Variants in FBXO7 observed in about 807,000 individuals in gnomAD.
The protein encoded by FBXO7 is F-box only protein 7.
FBXO7 carries 31 observed loss-of-function variants against 50.2 expected under a neutral mutation model. The ratio of observed to expected loss-of-function variants is 0.62; its 90% CI spans 0.46 to 0.83. The LOEUF (loss-of-function observed/expected upper bound fraction) is 0.83. Ranked by LOEUF, FBXO7 falls within the 40% of genes least tolerant of loss-of-function variation. The pLI is 0.00. For synonymous variants in FBXO7, 256 were observed against 253.1 expected (o/e 1.01, Z -0.11); for missense variants, 667 against 646.6 (o/e 1.03, Z -0.34).
At chr22:32,479,658 G>A (rs945598515) in intron 2 of FBXO7, among the ~76,000 whole-genome samples, 16 of 152,140 alleles carry the variant, frequency 1.1e-4, no homozygotes, top group African/African-American at 3.9e-4. Context: ...GCCTCCCAAA[G>A]TGCTGGGATT....
chr22:32,484,153 C>T (rs201788989), intron 3 of FBXO7, 29 bp downstream of exon 3: 31 of 1,564,644 alleles, frequency 2.0e-5, no homozygotes, highest in Middle Eastern at 3.3e-4. Flanking sequence ...ACACAGACAT[C>T]TTATGATTGC....
At chr22:32,492,856 A>G (rs1382801239) in intron 6 of FBXO7, 2 of 534,126 alleles carry the variant, frequency 3.7e-6, no homozygotes, top group Non-Finnish European at 6.7e-6. Flanking sequence ...GATTTATATT[A>G]AAAAGCATTT....
chr22:32,478,922 G>A, intron 1 of FBXO7, 59 bp from the exon 2 acceptor site: 1 of 1,432,028 alleles, frequency 7.0e-7, no homozygotes, highest in Non-Finnish European at 9.9e-7. Flanking sequence ...CTTCAGATGT[G>A]CTATTGAAGG....
Position 32,484,031 on chromosome 22 carries a change from G to A in FBXO7, c.552G>A (p.Glu184=), listed in dbSNP as rs765181065. ...SVEGQVPHSL[E]TLYQSADCSD... ...AAGGGCAAGTGCCACATTCATTAGA[G>A]ACCTTGTATCAATCAGCTGACTGTT... The change falls in exon 3 of 9, where the codon GAG becomes GAA. Residue 184 remains glutamate, a synonymous_variant. Transcript: ENST00000266087. 6.2e-7 allele frequency: 1 copy of A among 1,614,072 alleles called. No individual in the cohort carries two copies. The highest frequency in any genetic ancestry group is 8.5e-7 in the Non-Finnish European group (1 of 1,180,034).
At chr22:32,476,711 G>T (rs532744555) in intron 1 of FBXO7, among the ~76,000 whole-genome samples, 1 of 152,238 alleles carries the variant, frequency 6.6e-6, no homozygotes, top group African/African-American at 2.4e-5. Context: ...GTGAAAGCAA[G>T]TTTATTAAGA....
At chr22:32,484,808 A>G (rs1272734991) in intron 3 of FBXO7, among the ~76,000 whole-genome samples, 1 of 152,326 alleles carries the variant, frequency 6.6e-6, no homozygotes, top group East Asian at 1.9e-4. Flanking sequence ...TTGAAGAGAG[A>G]GATCAATCCC....
chr22:32,483,722 G>T (rs1339907651), intron 2 of FBXO7, among the ~76,000 whole-genome samples, 175 bp from the exon 3 acceptor site: 1 of 152,176 alleles, frequency 6.6e-6, no homozygotes, highest in East Asian at 1.9e-4. Context: ...AGGAATTCAG[G>T]ATGGAAGAGT....
At chr22:32,486,183 ATC>A (rs1190027994) in intron 4 of FBXO7, among the ~76,000 whole-genome samples, 2 of 151,548 alleles carry the variant, frequency 1.3e-5, no homozygotes, top group Non-Finnish European at 1.5e-5. Flanking sequence ...CAAAATGTTT[ATC>A]TGTTTCATTT....
chr22:32,495,369 T>G (rs1189798319), intron 7 of FBXO7, 124 bp from the exon 8 acceptor site: 3 of 324,482 alleles, frequency 9.2e-6, no homozygotes, highest in Non-Finnish European at 1.7e-5. Flanking sequence ...AAATGGTTAG[T>G]TTTTTTTTTT....
At chr22:32,497,958 G>A (rs570010863) in intron 8 of FBXO7, among the ~76,000 whole-genome samples, 186 bp from the exon 9 acceptor site, 1 of 152,302 alleles carries the variant, frequency 6.6e-6, no homozygotes, top group East Asian at 1.9e-4. Flanking sequence ...ACATAGCATA[G>A]CATTTATATA....
At chr22:32,496,716 TTAAC>T (rs2057577436) in intron 8 of FBXO7, among the ~76,000 whole-genome samples, 1 of 152,204 alleles carries the variant, frequency 6.6e-6, no homozygotes, top group Non-Finnish European at 1.5e-5. Context: ...TTCAAGGAGA[TTAAC>T]GTTTTCATGT....
At chr22:32,485,922 C>G (rs183839067) in intron 4 of FBXO7, among the ~76,000 whole-genome samples, 52 of 152,208 alleles carry the variant, frequency 3.4e-4, no homozygotes, top group African/African-American at 1.2e-3. Context: ...TAGGAGCTTT[C>G]ATTTTTGTTC....
chr22:32,498,296 G>A lies in FBXO7; in HGVS notation c.1335G>A (p.Gly445=), dbSNP rs1266965946. Residue 445 remains glycine (G), a synonymous_variant, in exon 9 of 9, where the codon GGG becomes GGA. Transcript: ENST00000266087. The part of the protein sequence containing the change: ...PSSRLPPGII[G]GEYDQRPTLP... ...CCCGCCTTCCTCCAGGAATTATCGG[G>A]GGTGAATATGACCAAAGACCAACAC... is the stretch of plus-strand genomic sequence containing the variant. 1 of 1,614,004 alleles carries A rather than the reference G, an allele frequency of 6.2e-7. No individual in the cohort carries two copies. Among genetic ancestry groups the A allele is most frequent in the Non-Finnish European group, 8.5e-7 (1 of 1,180,036 alleles).
intron 4 of FBXO7, 52 bp from the exon 5 acceptor site, chr22:32,487,693 C>A: frequency 2.6e-6 from 3 of 1,141,238 alleles, no homozygotes; most frequent in Non-Finnish European, 4.0e-6. Context: ...AAAAGAAAGG[C>A]AGTTGATGAA....
intron 5 of FBXO7, chr22:32,490,855 GT>G (rs1237261194): frequency 2.0e-6 from 1 of 488,090 alleles, no homozygotes; most frequent in African/African-American, 2.0e-5. Flanking sequence ...AGCTAGAGAG[GT>G]TGGGCACAGC....
At chr22:32,480,547 C>G (rs73170376) in intron 2 of FBXO7, among the ~76,000 whole-genome samples, 21,161 of 152,094 alleles carry the variant, frequency 0.14, 1,953 homozygotes, top group Non-Finnish European at 0.22. Context: ...TCCTCCCTCT[C>G]TAGTCTATAT....
chr22:32,494,630 T>C, intron 7 of FBXO7, among the ~76,000 whole-genome samples: 1 of 152,186 alleles, frequency 6.6e-6, no homozygotes. Flanking sequence ...GAATGACTGA[T>C]GTATATGGAA....
chr22:32,491,113 A>T lies in FBXO7; in HGVS notation c.899A>T (p.Asp300Val), dbSNP rs2146000180. 4.3e-6 allele frequency: 7 copies of T among 1,613,512 alleles called. No individual in the cohort carries two copies. The highest frequency in any genetic ancestry group is 5.9e-6 in the Non-Finnish European group (7 of 1,179,484). ...GAAAATGTAGCCAACATATACAAAG[A>T]TCTTCAGAAACTCTCTCGCCTCTTT... ...LGENVANIYK[D>V]LQKLSRLFKD... Residue 300 changes from aspartate (D) to valine (V), a missense_variant, in exon 6 of 9, where the codon GAT becomes GTT. Asp to Val is a radical substitution (Grantham distance 152). Transcript: ENST00000266087.
At chr22:32,494,107 T>TAAA (rs130725) in intron 7 of FBXO7, among the ~76,000 whole-genome samples, 8,177 of 120,656 alleles carry the variant, frequency 0.068, 383 homozygotes, top group African/African-American at 0.12. Flanking sequence ...ATAGCTCCCT[T>TAAA]AAAAAAAAAA....
Sources: allele counts gnomAD v4.1 joint callset (sites outside exome capture counted in the v4.1 genomes callset), GRCh38; gene constraint gnomAD v4.1.1; transcripts MANE v1.5; gene names NCBI Gene and HGNC (gene_info 2026-07-23, HGNC 2026-07-21).